Variants in IMPG1 observed in about 807,000 individuals in gnomAD.
IMPG1 encodes the protein interphotoreceptor matrix proteoglycan 1.
Under a neutral mutation model 92.0 loss-of-function variants are expected in IMPG1, and 85 were observed. The ratio of observed to expected loss-of-function variants is 0.92; its 90% CI spans 0.78 to 1.11. The LOEUF (loss-of-function observed/expected upper bound fraction) is 1.11, where lower values mean the gene tolerates loss of function less well. IMPG1 is among the 50% of genes least tolerant of loss of function. The probability of loss-of-function intolerance (pLI) is 0.00; values close to 1 mark genes in which losing one functional copy is unlikely to be tolerated. For missense variants in IMPG1, 1,022 were observed against 956.0 expected, an observed-to-expected ratio of 1.07 and a Z score of -0.91; for synonymous variants, 367 against 334.1, an observed-to-expected ratio of 1.10 and a Z score of -1.08.
chr6:76,044,035 C>A (rs1475633611), intron 1 of IMPG1, among the ~76,000 whole-genome samples: 1 of 152,178 alleles, frequency 6.6e-6, no homozygotes, highest in Non-Finnish European at 1.5e-5. Flanking sequence ...AATTACAAGG[C>A]AGGGAACTGG....
chr6:76,061,255 C>T (rs1028090629), intron 1 of IMPG1, among the ~76,000 whole-genome samples: 4 of 152,250 alleles, frequency 2.6e-5, no homozygotes, highest in South Asian at 2.1e-4. Context: ...TTCATTTGTA[C>T]ATGAAGTATC....
At chr6:76,034,193 A>G in intron 4 of IMPG1, 122 bp downstream of exon 4, 1 of 894,074 alleles carries the variant, frequency 1.1e-6, no homozygotes. Context: ...TGTCAGAATA[A>G]TCTACACAGC....
chr6:76,013,402 A>T (rs941319461), intron 7 of IMPG1, among the ~76,000 whole-genome samples: 3 of 151,722 alleles, frequency 2.0e-5, no homozygotes, highest in Non-Finnish European at 4.4e-5. Flanking sequence ...AGTTCCTATG[A>T]ATTATTTTCT....
intron 14 of IMPG1, among the ~76,000 whole-genome samples, chr6:75,938,445 A>C (rs1453473588): frequency 6.6e-6 from 1 of 152,244 alleles, no homozygotes; most frequent in African/African-American, 2.4e-5. Context: ...ATTTGTTTTA[A>C]ATTTTGCAAA....
At chr6:75,935,431 C>T (rs1398102576) in intron 14 of IMPG1, among the ~76,000 whole-genome samples, 2 of 152,250 alleles carry the variant, frequency 1.3e-5, no homozygotes, top group African/African-American at 2.4e-5. Flanking sequence ...CGTGACAAAG[C>T]TTCACGCCTG....
intron 2 of IMPG1, among the ~76,000 whole-genome samples, chr6:76,036,577 T>C (rs1002126644): frequency 6.6e-6 from 1 of 152,342 alleles, no homozygotes; most frequent in South Asian, 2.1e-4. Context: ...GTAATTTTAA[T>C]TTATGTTCAT....
intron 14 of IMPG1, among the ~76,000 whole-genome samples, chr6:75,943,300 C>T (rs1012992943): frequency 3.3e-5 from 5 of 152,014 alleles, no homozygotes; most frequent in Admixed American, 1.3e-4. Context: ...GAAGTGTGGG[C>T]CTAATGGGAG....
chr6:76,027,580 A>G (rs1783570692), intron 4 of IMPG1, among the ~76,000 whole-genome samples: 1 of 152,242 alleles, frequency 6.6e-6, no homozygotes, highest in Non-Finnish European at 1.5e-5. Flanking sequence ...AATTATATAG[A>G]AAAAAGCTGA....
intron 1 of IMPG1, among the ~76,000 whole-genome samples, chr6:76,051,711 T>C (rs2127596217): frequency 6.6e-6 from 1 of 152,314 alleles, no homozygotes; most frequent in African/African-American, 2.4e-5. Context: ...ATGCCATCAC[T>C]GTCTTTTTTA....
intron 12 of IMPG1, among the ~76,000 whole-genome samples, chr6:75,995,276 T>G (rs2149474469): frequency 6.6e-6 from 1 of 152,328 alleles, no homozygotes; most frequent in East Asian, 1.9e-4. Context: ...TCCAGCCAGT[T>G]CTCCACAATA....
At chr6:75,970,332 CT>C (rs945591015) in intron 12 of IMPG1, among the ~76,000 whole-genome samples, 268 of 143,740 alleles carry the variant, frequency 1.9e-3, no homozygotes, top group Middle Eastern at 7.4e-3. Flanking sequence ...ATTCAAACTT[CT>C]TTTTTTTTTT....
At chr6:75,932,268 A>ACTTTGCTAATATATTGGCCCT (rs1237895654) in intron 14 of IMPG1, among the ~76,000 whole-genome samples, 2 of 152,226 alleles carry the variant, frequency 1.3e-5, no homozygotes, top group East Asian at 3.8e-4. Context: ...CTATTGGACC[A>ACTTTGCTAATATATTGGCCCT]CTTTGCTAAT....
chr6:76,018,882 G>C (rs200780778), intron 6 of IMPG1, 24 bp from the exon 7 acceptor site: 2 of 1,505,948 alleles, frequency 1.3e-6, no homozygotes, highest in Admixed American at 2.1e-5. Context: ...AAAAAAAAAG[G>C]ACTTCTGTTA....
At chr6:75,976,741 C>A (rs929986141) in intron 12 of IMPG1, among the ~76,000 whole-genome samples, 2 of 151,868 alleles carry the variant, frequency 1.3e-5, no homozygotes, top group African/African-American at 4.8e-5. Flanking sequence ...GAAACCTCGT[C>A]TCTACTAAAA....
rs74661949 is a variant in IMPG1 at position 76,002,648 on chromosome 6, C to T, written c.1291+270G>A. On this transcript the variant is annotated intron_variant, in intron 12 of 16. Coordinates refer to ENST00000369950, the MANE Select transcript of IMPG1 (RefSeq NM_001563.4). ...GTGAGCAGCAGTTGGTGCTGTTTTG[C>T]TTTCAGCCTCCTTGACCAGTTCCAT... 0.012 allele frequency among the ~76,000 whole-genome samples: 1,800 copies of T among 152,242 alleles called. 115 individuals carry two copies. The East Asian group carries it at 0.2, about 17-fold the overall frequency.
At chr6:76,049,821 T>A (rs1215967775) in intron 1 of IMPG1, among the ~76,000 whole-genome samples, 1 of 152,070 alleles carries the variant, frequency 6.6e-6, no homozygotes, top group African/African-American at 2.4e-5. Flanking sequence ...GAGGACAAGA[T>A]ATTGGTGGGC....
intron 9 of IMPG1, 121 bp from the exon 10 acceptor site, chr6:76,005,655 G>T: frequency 1.1e-6 from 1 of 893,282 alleles, no homozygotes; most frequent in Non-Finnish European, 1.8e-6. Flanking sequence ...TGGGCTCGGA[G>T]AGAATATCCC....
intron 1 of IMPG1, among the ~76,000 whole-genome samples, chr6:76,055,926 T>C (rs1388495862): frequency 6.6e-6 from 1 of 152,108 alleles, no homozygotes; most frequent in Non-Finnish European, 1.5e-5. Context: ...CAAATATCTT[T>C]CTATGAATAT....
At chr6:75,923,027 G>GT (rs938836329) in intron 16 of IMPG1, among the ~76,000 whole-genome samples, 2 of 151,682 alleles carry the variant, frequency 1.3e-5, no homozygotes, top group South Asian at 2.1e-4. Context: ...ATTGTCCAAG[G>GT]TTTTTTCCCC....
Sources: allele counts gnomAD v4.1 joint callset (sites outside exome capture counted in the v4.1 genomes callset), GRCh38; gene constraint gnomAD v4.1.1; transcripts MANE v1.5; gene names NCBI Gene and HGNC (gene_info 2026-07-23, HGNC 2026-07-21).